Variants in CSNK2A2 observed in about 807,000 individuals in gnomAD.
The protein encoded by CSNK2A2 is casein kinase 2 alpha 2.
In CSNK2A2, 8 loss-of-function variants were observed where a neutral mutation model predicts 54.0. The observed-to-expected ratio is 0.15, with a 90% CI of 0.09 to 0.27. The LOEUF is 0.27. Ranked by LOEUF, CSNK2A2 falls within the 10% of genes least tolerant of loss-of-function variation. CSNK2A2 has a pLI of 1.00. For synonymous variants in CSNK2A2, 141 were observed against 153.9 expected, an observed-to-expected ratio of 0.92 and a Z score of 0.62; for missense variants, 242 against 439.4, an observed-to-expected ratio of 0.55 and a Z score of 4.02.
intron 4 of CSNK2A2, among the ~76,000 whole-genome samples, chr16:58,182,759 T>C (rs559649253): frequency 2.6e-4 from 40 of 152,154 alleles, no homozygotes; most frequent in African/African-American, 8.7e-4. Context: ...TTCTAAGACA[T>C]GCACACACAT....
At chr16:58,162,223 T>G (rs898916661) in intron 11 of CSNK2A2, 13 of 152,222 alleles carry the variant, frequency 8.5e-5, no homozygotes, top group African/African-American at 2.4e-5. Context: ...AGAAGGCTTT[T>G]GATAATCTCA....
At position 58,197,183 on chromosome 16, in the gene CSNK2A2, T is replaced by C. The variant is rs1384983326; in HGVS notation, c.105-339A>G. ...CAGCACCTGCTTCTCGTTTCACATCTTCAAGGTAGACAATGCCTGTTTTAA... is the reference window on the plus strand; with the variant it reads ...CAGCACCTGCTTCTCGTTTCACATCCTCAAGGTAGACAATGCCTGTTTTAA... On this transcript the variant is annotated intron_variant, in intron 1 of 11. Coordinates refer to ENST00000262506, the MANE Select transcript of CSNK2A2 (RefSeq NM_001896.4). The surrounding 1 kb of genome is among the most constrained non-coding windows in gnomAD (Gnocchi z 4.0). 3.1e-6 allele frequency: 1 copy of C among 321,938 alleles called. No individual in the cohort carries two copies. The highest frequency in any genetic ancestry group is 5.9e-6 in the Non-Finnish European group (1 of 169,916). 19.9% of individuals were successfully genotyped at this position (321,938 alleles called of 1,614,324 possible). A position where few individuals can be genotyped will look rare whatever the true frequency, so the allele number is the denominator to read the frequency against.
chr16:58,191,375 T>G (rs1453354795), intron 2 of CSNK2A2, among the ~76,000 whole-genome samples: 2 of 152,188 alleles, frequency 1.3e-5, no homozygotes, highest in Admixed American at 6.5e-5. Context: ...TATTTTATTT[T>G]TTTTTAGACG....
intron 9 of CSNK2A2, among the ~76,000 whole-genome samples, chr16:58,166,002 T>G (rs1961551239): frequency 6.6e-6 from 1 of 152,238 alleles, no homozygotes; most frequent in African/African-American, 2.4e-5. Context: ...CTGGGTGGCA[T>G]GCAGAAGAGT....
intron 2 of CSNK2A2, among the ~76,000 whole-genome samples, chr16:58,188,560 G>A (rs147260218): frequency 6.6e-6 from 1 of 152,294 alleles, no homozygotes; most frequent in African/African-American, 2.4e-5. Flanking sequence ...TGTAATCTGG[G>A]ATTTTCCTTT....
chr16:58,170,861 T>C (rs572998526), intron 5 of CSNK2A2, among the ~76,000 whole-genome samples: 1 of 152,248 alleles, frequency 6.6e-6, no homozygotes, highest in South Asian at 2.1e-4. Flanking sequence ...TGCTTCTAAA[T>C]CTCCCTTGCC....
chr16:58,175,758 T>G (rs1183054831), intron 4 of CSNK2A2, among the ~76,000 whole-genome samples: 1 of 152,206 alleles, frequency 6.6e-6, no homozygotes, highest in Non-Finnish European at 1.5e-5. Context: ...CTTTCTCAAG[T>G]TTCCCCCTTT....
chr16:58,169,705 C>G (rs945234233), intron 5 of CSNK2A2, among the ~76,000 whole-genome samples: 3 of 151,952 alleles, frequency 2.0e-5, no homozygotes, highest in African/African-American at 7.3e-5. Flanking sequence ...TCTAGATGAC[C>G]AAGTATTAGT....
intron 2 of CSNK2A2, among the ~76,000 whole-genome samples, chr16:58,189,527 C>T (rs1418938951): frequency 6.6e-6 from 1 of 152,150 alleles, no homozygotes; most frequent in Non-Finnish European, 1.5e-5. Flanking sequence ...CATTGGTCTC[C>T]GGTTATTCAG....
In CSNK2A2 at chr16:58,193,538, A is replaced by G. The variant is rs139139844; in HGVS notation, c.216+3195T>C. ...ACTGGTTCAAAATGCTGTTTTTTAAAAATAGTGTTGCTCTTAACTTTTATT... is the reference window on the plus strand; with the variant it reads ...ACTGGTTCAAAATGCTGTTTTTTAAGAATAGTGTTGCTCTTAACTTTTATT... On this transcript the variant is annotated intron_variant, in intron 2 of 11. Transcript: ENST00000262506. Among the ~76,000 whole-genome samples, 858 of 152,314 alleles carry G rather than the reference A, an allele frequency of 5.6e-3. 13 individuals are homozygous for G. The highest frequency in any genetic ancestry group is 0.02 in the African/African-American group (812 of 41,564).
intron 1 of CSNK2A2, 30 bp from the exon 2 acceptor site, chr16:58,196,874 C>T (rs1367821996): frequency 2.8e-6 from 4 of 1,432,464 alleles, no homozygotes; most frequent in Non-Finnish European, 3.9e-6. Context: ...ACATAAATGC[C>T]AGGACTGGGG....
At position 58,174,398 on chromosome 16, in the gene CSNK2A2, A is replaced by C; in HGVS notation, c.429+53T>G. On this transcript the variant is annotated intron_variant, in intron 5 of 11. Coordinates refer to ENST00000262506, the MANE Select transcript of CSNK2A2 (RefSeq NM_001896.4). The stretch of plus-strand genomic sequence containing the variant: ...GTTCTCTTTGTTCTCTCAAAAACTT[A>C]TCTTTTAATGAACAGGCCTGAAAAA... 3.1e-6 allele frequency: 4 copies of C among 1,272,650 alleles called. No homozygotes were observed. The South Asian group carries it at 5.4e-5, about 17-fold the overall frequency. The allele number at this position is 1,272,650 out of a possible 1,614,324, so 78.8% of individuals were successfully genotyped here. A position where few individuals can be genotyped will look rare whatever the true frequency, so the allele number is the denominator to read the frequency against.
intron 8 of CSNK2A2, 94 bp from the exon 9 acceptor site, chr16:58,166,778 C>A: frequency 6.0e-6 from 5 of 840,000 alleles, no homozygotes; most frequent in Non-Finnish European, 5.9e-6. Context: ...GACTTCCACA[C>A]CACTAAACCT....
At chr16:58,171,958 C>CGTATATATATATATAT (rs1273859527) in intron 5 of CSNK2A2, among the ~76,000 whole-genome samples, 3 of 31,318 alleles carry the variant, frequency 9.6e-5, no homozygotes, top group African/African-American at 6.2e-4. Context: ...CTGGAGCATG[C>CGTATATATATATATAT]ATATATATAT....
At chr16:58,195,726 C>A (rs1962427909) in intron 2 of CSNK2A2, among the ~76,000 whole-genome samples, 1 of 152,194 alleles carries the variant, frequency 6.6e-6, no homozygotes, top group South Asian at 2.1e-4. Flanking sequence ...ATTTAGCCGA[C>A]CCTTCATGCT....
At chr16:58,181,802 T>C (rs543566850) in intron 4 of CSNK2A2, among the ~76,000 whole-genome samples, 1 of 151,988 alleles carries the variant, frequency 6.6e-6, no homozygotes, top group African/African-American at 2.4e-5. Context: ...CCAGCAAGTA[T>C]GCAGAACAAA....
At chr16:58,191,193 G>A (rs528663292) in intron 2 of CSNK2A2, among the ~76,000 whole-genome samples, 4 of 152,216 alleles carry the variant, frequency 2.6e-5, no homozygotes, top group South Asian at 2.1e-4. Context: ...ACAGTAAGAC[G>A]GTTGTTGCCA....
Position 58,197,289 on chromosome 16 carries a change from A to G in CSNK2A2, c.104+344T>C. On this transcript the variant is annotated intron_variant, in intron 1 of 11. Transcript: ENST00000262506. The surrounding 1 kb of genome is among the most constrained non-coding windows in gnomAD (Gnocchi z 4.0). ...AAGGCAGGGCATTTTAATAGCTCCA[A>G]AGGACAGCTGTTGACTTCCCACCCC... The G allele has an allele frequency of 3.3e-6, 1 of 298,730 alleles. No homozygotes were observed. The highest frequency in any genetic ancestry group is 4.6e-5 in the South Asian group (1 of 21,852). The allele number at this position is 298,730 out of a possible 1,614,324, so 18.5% of individuals were successfully genotyped here. A position where few individuals can be genotyped will look rare whatever the true frequency, so the allele number is the denominator to read the frequency against.
intron 2 of CSNK2A2, among the ~76,000 whole-genome samples, chr16:58,187,989 G>A (rs1488022745): frequency 6.6e-6 from 1 of 152,142 alleles, no homozygotes; most frequent in African/African-American, 2.4e-5. Context: ...AGAGGCCAAT[G>A]GATTTGCCAA....
Sources: allele counts gnomAD v4.1 joint callset (sites outside exome capture counted in the v4.1 genomes callset), GRCh38; gene constraint gnomAD v4.1.1; non-coding constraint Gnocchi (gnomAD v3.1); transcripts MANE v1.5; gene names NCBI Gene and HGNC (gene_info 2026-07-23, HGNC 2026-07-21).